The following TWIST2 variants were observed in gnomAD, a reference collection of about 807,000 sequenced individuals.
TWIST2 encodes twist-related protein 2.
In TWIST2, 1 loss-of-function variant was observed where a neutral mutation model predicts 11.6. The ratio of observed to expected loss-of-function variants is 0.09; its 90% CI spans 0.03 to 0.41. TWIST2 has a LOEUF of 0.41. TWIST2 is among the 10% of genes least tolerant of loss of function. The pLI is 0.98. For synonymous variants in TWIST2, 87 were observed against 96.6 expected (o/e 0.90, Z 0.58); for missense variants, 168 against 226.4 (o/e 0.74, Z 1.66).
At chr2:238,906,236 AC>A (rs1693352806) in intron 1 of TWIST2, among the ~76,000 whole-genome samples, 1 of 151,684 alleles carries the variant, frequency 6.6e-6, no homozygotes, top group Non-Finnish European at 1.5e-5. Context: ...ACACACACGG[AC>A]CCACGCACAC....
intron 1 of TWIST2, among the ~76,000 whole-genome samples, chr2:238,901,822 C>G (rs1693271667): frequency 6.6e-6 from 1 of 152,054 alleles, no homozygotes; most frequent in African/African-American, 2.4e-5. Context: ...GCAGCTGGGA[C>G]TTCTCCATGT....
At chr2:238,902,938 GTGTTGTGATGTGTGA>G (rs1693292590) in intron 1 of TWIST2, among the ~76,000 whole-genome samples, 1 of 64,106 alleles carries the variant, frequency 1.6e-5, no homozygotes, top group Admixed American at 1.5e-4. Flanking sequence ...TGTGATGTGG[GTGTTGTGATGTGTGA>G]GGTGTGTGTG....
chr2:238,865,643 T>C (rs1386227628), intron 1 of TWIST2, among the ~76,000 whole-genome samples: 3 of 151,754 alleles, frequency 2.0e-5, no homozygotes, highest in East Asian at 3.9e-4. Flanking sequence ...GGTTGAGTCT[T>C]TGAATTTGCA....
At chr2:238,869,414 A>G (rs994116710) in intron 1 of TWIST2, among the ~76,000 whole-genome samples, 12 of 152,190 alleles carry the variant, frequency 7.9e-5, no homozygotes, top group Non-Finnish European at 1.6e-4. Flanking sequence ...TGAAATGACA[A>G]CCTGTGGAAT....
At chr2:238,868,205 G>C (rs1692578279) in intron 1 of TWIST2, among the ~76,000 whole-genome samples, 1 of 152,124 alleles carries the variant, frequency 6.6e-6, no homozygotes, top group African/African-American at 2.4e-5. Context: ...GTGGCTCCCA[G>C]GGGCTCTGCT....
rs1016401825 is a variant in TWIST2, at chr2:238,898,122, G to T, written c.*36-11720G>T. ...TTCAGAGGAACTGCAGCTGGCGAAC[G>T]CGGTCTCAGGGCCCGGGTGCTGGGG... is the stretch of plus-strand genomic sequence containing the variant. On this transcript the variant is annotated intron_variant, in intron 1 of 1. Transcript: ENST00000612363. 3.4e-3 allele frequency among the ~76,000 whole-genome samples: 516 copies of T among 152,328 alleles called. 1 individual carries two copies. Among genetic ancestry groups the T allele is most frequent in the Non-Finnish European group, 5.0e-3 (343 of 68,028 alleles).
At chr2:238,906,001 G>A (rs1014980495) in intron 1 of TWIST2, among the ~76,000 whole-genome samples, 10 of 102,388 alleles carry the variant, frequency 9.8e-5, no homozygotes, top group Admixed American at 3.4e-4. Flanking sequence ...GCGTGTGTGC[G>A]TGTGCGTGTG....
rs1458387010 is a variant in TWIST2, at chr2:238,904,316, G to A, written c.*36-5526G>A. 2.0e-5 allele frequency among the ~76,000 whole-genome samples: 3 copies of A among 147,238 alleles called. No homozygotes were observed. In the East Asian group the frequency reaches 6.2e-4, roughly 31 times the overall value. ...GTGATGGGGGTGTGTCTAATGTGAG[G>A]TGTGTGTGTGTGATATGGGATGTGT... On this transcript the variant is annotated intron_variant, in intron 1 of 1. Transcript: ENST00000612363.
At position 238,866,062 on chromosome 2, in the gene TWIST2, C is replaced by A. The variant is rs1692525024; in HGVS notation, c.*35+17329C>A. Among the ~76,000 whole-genome samples the A allele has an allele frequency of 6.6e-6, 1 of 152,220 alleles. No individual in the cohort carries two copies. Among genetic ancestry groups the A allele is most frequent in the Non-Finnish European group, 1.5e-5 (1 of 68,044 alleles). ...GTCGCTTAACCTGTTAATGGAATAG[C>A]ATGGACGATGCACCCCACACTGCAT... On this transcript the variant is annotated intron_variant, in intron 1 of 1. Transcript: ENST00000612363. This position sits in a 1 kb window ranked among gnomAD's most constrained non-coding sequence, Gnocchi z 4.9.
At chr2:238,905,571 C>G (rs1450502691) in intron 1 of TWIST2, among the ~76,000 whole-genome samples, 2 of 152,198 alleles carry the variant, frequency 1.3e-5, no homozygotes, top group African/African-American at 2.4e-5. Flanking sequence ...TGAAACCCAC[C>G]ACTGGCCAGG....
rs188187822 is a variant in TWIST2 at position 238,876,483 on chromosome 2, G to A, written c.*35+27750G>A. Among the ~76,000 whole-genome samples the A allele has an allele frequency of 9.2e-5, 14 of 152,212 alleles. No individual in the cohort carries two copies. In the East Asian group the frequency reaches 1.5e-3, roughly 17 times the overall value. On this transcript the variant is annotated intron_variant, in intron 1 of 1. Coordinates refer to ENST00000612363, the MANE Select transcript of TWIST2 (RefSeq NM_001271893.4). Reference sequence around the variant, plus strand: ...GCAGTGATGGCAGAGACAAAGTCCCGCCTTCGGGGACAGTCCCCAACACAG... The same window carrying A: ...GCAGTGATGGCAGAGACAAAGTCCCACCTTCGGGGACAGTCCCCAACACAG...
At position 238,866,774 on chromosome 2, in the gene TWIST2, C is replaced by G. The variant is rs1692545149; in HGVS notation, c.*35+18041C>G. 6.6e-6 allele frequency among the ~76,000 whole-genome samples: 1 copy of G among 152,160 alleles called. No individual in the cohort carries two copies. On this transcript the variant is annotated intron_variant, in intron 1 of 1. Transcript: ENST00000612363. The surrounding 1 kb of genome is among the most constrained non-coding windows in gnomAD (Gnocchi z 4.9). Reference sequence around the variant, plus strand: ...CCTCCAGTGTCCCCTCCTTGGGGAGCCTCTAACCACCCTGCTGGCATTTGT... The same window carrying G: ...CCTCCAGTGTCCCCTCCTTGGGGAGGCTCTAACCACCCTGCTGGCATTTGT...
intron 1 of TWIST2, among the ~76,000 whole-genome samples, chr2:238,895,955 C>T (rs1693201917): frequency 6.6e-6 from 1 of 152,222 alleles, no homozygotes; most frequent in African/African-American, 2.4e-5. Flanking sequence ...TGAAGCCAAG[C>T]CCAAGCTGAG....
chr2:238,907,998 G>A (rs1185499818), intron 1 of TWIST2, among the ~76,000 whole-genome samples: 14 of 130,010 alleles, frequency 1.1e-4, no homozygotes, highest in South Asian at 2.6e-4. Context: ...TTGTACATAC[G>A]CACCACATAC....
chr2:238,870,058 A>G (rs1441760377), intron 1 of TWIST2, among the ~76,000 whole-genome samples: 3 of 149,258 alleles, frequency 2.0e-5, no homozygotes, highest in African/African-American at 7.5e-5. Context: ...AGGGTCCTCA[A>G]AAAATAAAAT....
intron 1 of TWIST2, among the ~76,000 whole-genome samples, chr2:238,891,552 G>C (rs914476333): frequency 1.3e-5 from 2 of 152,172 alleles, no homozygotes; most frequent in Non-Finnish European, 2.9e-5. Context: ...GTGAGAGGAC[G>C]GTCTGGCAAA....
At chr2:238,906,295 G>T (rs1693353582) in intron 1 of TWIST2, among the ~76,000 whole-genome samples, 3 of 151,480 alleles carry the variant, frequency 2.0e-5, no homozygotes, top group African/African-American at 7.3e-5. Context: ...CTCCCACAGG[G>T]ACACACACAC....
At chr2:238,883,355 T>C (rs962945972) in intron 1 of TWIST2, among the ~76,000 whole-genome samples, 2 of 152,222 alleles carry the variant, frequency 1.3e-5, no homozygotes, top group Admixed American at 6.5e-5. Context: ...GTTCACCACA[T>C]TGCTCATTTT....
At chr2:238,870,647 G>T (rs1381758246) in intron 1 of TWIST2, among the ~76,000 whole-genome samples, 2 of 16,638 alleles carry the variant, frequency 1.2e-4, no homozygotes, top group African/African-American at 2.9e-4. Flanking sequence ...CACACACACA[G>T]CACACACCAC....
Sources: allele counts gnomAD v4.1 joint callset (sites outside exome capture counted in the v4.1 genomes callset), GRCh38; gene constraint gnomAD v4.1.1; non-coding constraint Gnocchi (gnomAD v3.1); transcripts MANE v1.5; gene names NCBI Gene and HGNC (gene_info 2026-07-23, HGNC 2026-07-21).